Variants in RNPEPL1 observed in about 807,000 individuals in gnomAD.
RNPEPL1 encodes the protein arginyl aminopeptidase like 1.
In RNPEPL1, 46 loss-of-function variants were observed where a neutral mutation model predicts 69.0. The ratio of observed to expected loss-of-function variants is 0.67; its 90% CI spans 0.53 to 0.85. RNPEPL1 has a LOEUF of 0.85. Ranked by LOEUF, RNPEPL1 falls within the 40% of genes least tolerant of loss-of-function variation. The pLI is 0.00. For synonymous variants in RNPEPL1, 525 were observed against 454.1 expected (o/e 1.16, Z -1.98); for missense variants, 869 against 992.5 (o/e 0.88, Z 1.67).
At chr2:240,574,667 G>A in intron 6 of RNPEPL1, 39 bp downstream of exon 6, 1 of 1,526,030 alleles carries the variant, frequency 6.6e-7, no homozygotes, top group African/African-American at 1.4e-5. Flanking sequence ...AACTGGGGAT[G>A]TCACCCCTCA....
chr2:240,580,102 G>A lies in RNPEPL1; in HGVS notation c.*2210G>A, dbSNP rs1230664669. On this transcript the variant is annotated 3_prime_UTR_variant, in exon 11 of 11. Transcript: ENST00000270357. ...TCTGTGCCCGCCCGTGGGGTACACAGGAGGGCTCTTTCAGCCCTAAGTCCT... is the reference window on the plus strand; with the variant it reads ...TCTGTGCCCGCCCGTGGGGTACACAAGAGGGCTCTTTCAGCCCTAAGTCCT... 2 of 152,262 alleles carry A rather than the reference G, an allele frequency of 1.3e-5. No homozygotes were observed. Among genetic ancestry groups the A allele is most frequent in the Non-Finnish European group, 2.9e-5 (2 of 68,086 alleles). 9.4% of individuals were successfully genotyped at this position (152,262 alleles called of 1,614,324 possible).
intron 1 of RNPEPL1, among the ~76,000 whole-genome samples, chr2:240,571,806 G>A (rs183334328): frequency 1.3e-5 from 2 of 151,822 alleles, no homozygotes; most frequent in Admixed American, 6.5e-5. Flanking sequence ...TCCCTTGGCC[G>A]CTCCTGTCCC....
rs781388607 is a variant in RNPEPL1, at chr2:240,577,813, C to G, written c.2099C>G (p.Ser700Trp). ...GGCAAGGCTGAAGCAGACACAGACT[C>G]GGACGCACAGGCCCTGCTGCTTGGG... ...ELGKAEADTD[S>W]DAQALLLGDE... The change falls in exon 11 of 11, where the codon TCG (serine) becomes TGG (tryptophan). Residue 700 changes from serine to tryptophan, a missense_variant. Ser to Trp is a radical substitution (Grantham distance 177, BLOSUM62 -3). Coordinates refer to ENST00000270357, the MANE Select transcript of RNPEPL1 (RefSeq NM_018226.6). 3.1e-6 allele frequency: 5 copies of G among 1,607,292 alleles called. No homozygotes were observed. Among genetic ancestry groups the G allele is most frequent in the Non-Finnish European group, 4.3e-6 (5 of 1,175,806 alleles).
In RNPEPL1 at chr2:240,576,547, A is replaced by T; in HGVS notation, c.1523A>T (p.Glu508Val). 6.2e-7 allele frequency: 1 copy of T among 1,611,904 alleles called. No homozygotes were observed. The highest frequency in any genetic ancestry group is 1.7e-4 in the Middle Eastern group (1 of 6,042). Reference protein sequence around the residue: ...SVDCRAGLEFERWLNATGPPL... With the variant: ...SVDCRAGLEFVRWLNATGPPL... ...TTCTCCCCTCTAGGGCTGGAATTCG[A>T]GCGCTGGCTCAATGCCACAGGCCCG... The change falls in exon 9 of 11, where the codon GAG (glutamate) becomes GTG (valine). Residue 508 changes from glutamate (E) to valine (V), a missense_variant. Coordinates refer to ENST00000270357, the MANE Select transcript of RNPEPL1 (RefSeq NM_018226.6).
rs759775305 is a variant in RNPEPL1 at position 240,575,141 on chromosome 2, G to T, written c.1400G>T (p.Arg467Leu). 2.5e-6 allele frequency: 4 copies of T among 1,611,514 alleles called. No individual in the cohort carries two copies. Among genetic ancestry groups the T allele is most frequent in the Non-Finnish European group, 3.4e-6 (4 of 1,178,406 alleles). Residue 467 changes from arginine (R) to leucine (L), a missense_variant and splice_region_variant, in exon 7 of 11, where the codon CGA (arginine) becomes CTA (leucine). Transcript: ENST00000270357. Reference protein sequence around the residue: ...GDPQRFDDFLRAYVEKYKFTS... With the variant: ...GDPQRFDDFLLAYVEKYKFTS... The stretch of plus-strand genomic sequence containing the variant: ...CCACAGCGCTTTGATGACTTTCTCC[G>T]AGTGAGCAGCCCCCTGCCCGGGACG...
In RNPEPL1 at chr2:240,578,138, C is replaced by T; in HGVS notation, c.*246C>T. On this transcript the variant is annotated 3_prime_UTR_variant, in exon 11 of 11. Coordinates refer to ENST00000270357, the MANE Select transcript of RNPEPL1 (RefSeq NM_018226.6). Reference sequence around the variant, plus strand: ...GCAGGCCCTGGGGCCAGCCCGCACACACCATGCCTCCTGTCTCAACACTGA... The same window carrying T: ...GCAGGCCCTGGGGCCAGCCCGCACATACCATGCCTCCTGTCTCAACACTGA... The T allele has an allele frequency of 2.5e-6, 1 of 402,730 alleles. No individual in the cohort carries two copies. The allele number at this position is 402,730 out of a possible 1,614,324, so 24.9% of individuals were successfully genotyped here.
intron 1 of RNPEPL1, among the ~76,000 whole-genome samples, chr2:240,571,741 A>G (rs1233824647): frequency 6.6e-6 from 1 of 151,592 alleles, no homozygotes; most frequent in Non-Finnish European, 1.5e-5. Flanking sequence ...GAGCGCACCC[A>G]TTCCACAGCA....
chr2:240,569,324 T>A, intron 1 of RNPEPL1: 1 of 512,868 alleles, frequency 1.9e-6, no homozygotes, highest in Non-Finnish European at 3.2e-6. Flanking sequence ...AGCATGTCAC[T>A]CCGGGAAGCC....
At chr2:240,575,197 C>G in intron 7 of RNPEPL1, 55 bp downstream of exon 7, 1 of 1,398,886 alleles carries the variant, frequency 7.1e-7, no homozygotes, top group Non-Finnish European at 1.0e-6. Context: ...CAGCCCCTCC[C>G]CGGCTCACAG....
chr2:240,570,242 AG>A (rs1170336738), intron 1 of RNPEPL1, among the ~76,000 whole-genome samples: 1 of 152,234 alleles, frequency 6.6e-6, no homozygotes, highest in Non-Finnish European at 1.5e-5. Flanking sequence ...CAGGGCCCTC[AG>A]CAGGCTGCTG....
Position 240,573,267 on chromosome 2 carries a change from G to GC in RNPEPL1, c.821+8dup, listed in dbSNP as rs1559416211. On this transcript the variant is annotated splice_region_variant and intron_variant, in intron 3 of 10. Coordinates refer to ENST00000270357, the MANE Select transcript of RNPEPL1 (RefSeq NM_018226.6). ...CCGGCAGACATCGGGCCCAGGTAGGGCCTCCTGCTGGGGCCTTCTGGGGCT... is the reference window on the plus strand; with the variant it reads ...CCGGCAGACATCGGGCCCAGGTAGGGCCCTCCTGCTGGGGCCTTCTGGGGCT... 1 of 1,555,736 alleles carries GC rather than the reference G, an allele frequency of 6.4e-7. No individual in the cohort carries two copies. The highest frequency in any genetic ancestry group is 1.9e-5 in the Admixed American group (1 of 51,648).
Position 240,580,838 on chromosome 2 carries a change from G to A in RNPEPL1, c.*2946G>A, listed in dbSNP as rs1335776880. The A allele has an allele frequency of 6.6e-6, 1 of 152,214 alleles. No individual in the cohort carries two copies. Among genetic ancestry groups the A allele is most frequent in the Non-Finnish European group, 1.5e-5 (1 of 68,040 alleles). 9.4% of individuals were successfully genotyped at this position (152,214 alleles called of 1,614,324 possible). A position where few individuals can be genotyped will look rare whatever the true frequency, so the allele number is the denominator to read the frequency against. ...AAAAGGGAAAAGAAGCGTGATGAAA[G>A]ACTGGTTTCTACAGAGATAGATTAG... On this transcript the variant is annotated 3_prime_UTR_variant, in exon 11 of 11. Coordinates refer to ENST00000270357, the MANE Select transcript of RNPEPL1 (RefSeq NM_018226.6).
At chr2:240,572,315 C>A in intron 1 of RNPEPL1, 108 bp from the exon 2 acceptor site, 2 of 1,293,306 alleles carry the variant, frequency 1.5e-6, no homozygotes, top group Non-Finnish European at 2.1e-6. Flanking sequence ...ATAATCTGGC[C>A]ATTGTCCCCT....
At chr2:240,574,879 T>C (rs2093033248) in intron 6 of RNPEPL1, 151 bp from the exon 7 acceptor site, 3 of 715,234 alleles carry the variant, frequency 4.2e-6, no homozygotes, top group Non-Finnish European at 7.5e-6. Context: ...GCCCTGCCGC[T>C]GCACGCCCAG....
At chr2:240,574,672 C>A (rs746851199) in intron 6 of RNPEPL1, 44 bp downstream of exon 6, 1 of 1,464,072 alleles carries the variant, frequency 6.8e-7, no homozygotes, top group Non-Finnish European at 9.5e-7. Flanking sequence ...GGGATGTCAC[C>A]CCTCAAGGCC....
rs745739319 is a variant in RNPEPL1, at chr2:240,575,053, AACCTGTTC to A, written c.1317_1324del (p.Phe440ArgfsTer21). On this transcript the variant is annotated frameshift_variant, in exon 7 of 11. Coordinates refer to ENST00000270357, the MANE Select transcript of RNPEPL1 (RefSeq NM_018226.6). LOFTEE classifies it high-confidence loss of function. ...AGGAGTGAATCCCAGCCACCTGATG[AACCTGTTC>A]ACCTACGAGAAGGGCTACTGCTTCG... 4 of 1,613,752 alleles carry A rather than the reference AACCTGTTC, an allele frequency of 2.5e-6. No homozygotes were observed. Among genetic ancestry groups the A allele is most frequent in the Non-Finnish European group, 3.4e-6 (4 of 1,179,968 alleles).
At chr2:240,570,198 G>T (rs551022596) in intron 1 of RNPEPL1, among the ~76,000 whole-genome samples, 2 of 152,352 alleles carry the variant, frequency 1.3e-5, no homozygotes, top group East Asian at 3.9e-4. Flanking sequence ...CACGTGTCTG[G>T]TCCGCCCAAC....
intron 10 of RNPEPL1, among the ~76,000 whole-genome samples, chr2:240,577,337 G>C (rs750677982): frequency 6.6e-6 from 1 of 152,210 alleles, no homozygotes; most frequent in African/African-American, 2.4e-5. Flanking sequence ...CCTCAGGCCC[G>C]TGGGCCCTGG....
intron 1 of RNPEPL1, among the ~76,000 whole-genome samples, chr2:240,571,957 C>G (rs531980885): frequency 6.6e-6 from 1 of 152,126 alleles, no homozygotes; most frequent in African/African-American, 2.4e-5. Context: ...CCTGCTAGTG[C>G]GTAGCCATCA....
Sources: allele counts gnomAD v4.1 joint callset (sites outside exome capture counted in the v4.1 genomes callset), GRCh38; gene constraint gnomAD v4.1.1; transcripts MANE v1.5; gene names NCBI Gene and HGNC (gene_info 2026-07-23, HGNC 2026-07-21).